WDR77: variants seen among roughly 807,000 people sequenced by gnomAD.
WDR77 encodes methylosome protein WDR77.
In WDR77, 31 loss-of-function variants were observed where a neutral mutation model predicts 44.0. The observed-to-expected ratio is 0.70, with a 90% CI of 0.53 to 0.95. WDR77 has a LOEUF of 0.95. WDR77 is among the 40% of genes least tolerant of loss of function. WDR77 has a pLI of 0.00. For synonymous variants in WDR77, 186 were observed against 165.7 expected (o/e 1.12, Z -0.94); for missense variants, 390 against 423.9 (o/e 0.92, Z 0.70).
At chr1:111,441,564 G>T (rs1169047774) in intron 9 of WDR77, 175 bp from the exon 10 acceptor site, 2 of 1,301,048 alleles carry the variant, frequency 1.5e-6, no homozygotes, top group East Asian at 2.9e-5. Flanking sequence ...GATGTCATCA[G>T]TCATCCAATC....
intron 7 of WDR77, 97 bp downstream of exon 7, chr1:111,443,226 A>T (rs1344097483): frequency 4.0e-6 from 5 of 1,237,348 alleles, no homozygotes; most frequent in Non-Finnish European, 5.7e-6. Flanking sequence ...GAGGGCTAAG[A>T]CTGAGCAACA....
chr1:111,449,175 C>G lies in WDR77; in HGVS notation c.-6G>C. ...GGTGGGGTTTCCTTCCGCATCTCCA[C>G]GGTTCCAACTCCAACCTAGACTCAA... On this transcript the variant is annotated 5_prime_UTR_variant, in exon 1 of 10. Coordinates refer to ENST00000235090, the MANE Select transcript of WDR77 (RefSeq NM_024102.4). The G allele has an allele frequency of 6.4e-7, 1 of 1,571,102 alleles. No homozygotes were observed. The highest frequency in any genetic ancestry group is 8.6e-7 in the Non-Finnish European group (1 of 1,164,966).
chr1:111,447,223 GT>G, intron 3 of WDR77, 79 bp from the exon 4 acceptor site: 1 of 1,560,408 alleles, frequency 6.4e-7, no homozygotes, highest in South Asian at 1.1e-5. Flanking sequence ...AGAACTTCCT[GT>G]AATCAACATT....
rs1297139237 is a variant in WDR77, at chr1:111,447,562, A to G, written c.316T>C (p.Trp106Arg). ...AGTGTCTCATTCTCATCTAGTTCCCACAATTCAACAGCACCTGTTGGGGGT... is the reference window on the plus strand; with the variant it reads ...AGTGTCTCATTCTCATCTAGTTCCCGCAATTCAACAGCACCTGTTGGGGGT... The part of the protein sequence containing the change: ...VASDSGAVEL[W>R]ELDENETLIV... Residue 106 changes from tryptophan to arginine, a missense_variant, in exon 3 of 10, where the codon TGG becomes CGG. Trp to Arg is a moderately radical substitution (Grantham distance 101, BLOSUM62 -3). Coordinates refer to ENST00000235090, the MANE Select transcript of WDR77 (RefSeq NM_024102.4). 2 of 1,614,242 alleles carry G rather than the reference A, an allele frequency of 1.2e-6. No individual in the cohort carries two copies. Among genetic ancestry groups the G allele is most frequent in the East Asian group, 4.5e-5 (2 of 44,892 alleles).
Position 111,442,058 on chromosome 1 carries a change from G to T in WDR77, c.836C>A (p.Ser279Ter), listed in dbSNP as rs774481633. The T allele has an allele frequency of 6.2e-7, 1 of 1,614,096 alleles. No homozygotes were observed. The highest frequency in any genetic ancestry group is 8.5e-7 in the Non-Finnish European group (1 of 1,179,988). Residue 279 changes from serine to a stop codon, truncating the protein, a stop_gained, in exon 9 of 10, where the codon TCA (serine) becomes TAA (stop). Coordinates refer to ENST00000235090, the MANE Select transcript of WDR77 (RefSeq NM_024102.4). LOFTEE classifies it high-confidence loss of function. Reference sequence around the variant, plus strand: ...AAGGCTTGAGTCCAGCACAGCAAGTGAGCAGTCTTCACTGAGAGAGGCCAG... The same window carrying T: ...AAGGCTTGAGTCCAGCACAGCAAGTTAGCAGTCTTCACTGAGAGAGGCCAG... ...PFLASLSEDC[S>*]LAVLDSSLSE...
At position 111,448,809 on chromosome 1, in the gene WDR77, G is replaced by A. The variant is rs995168204; in HGVS notation, c.116-5C>T. On this transcript the variant is annotated splice_region_variant and splice_polypyrimidine_tract_variant and intron_variant, in intron 1 of 9. Transcript: ENST00000235090. ...CCCCGAGGAGAAGCGCCCCATCTAC[G>A]GGGGGTACAAGCTGTCAGCGCGTGA... is the stretch of plus-strand genomic sequence containing the variant. 2 of 1,569,026 alleles carry A rather than the reference G, an allele frequency of 1.3e-6. No homozygotes were observed. The highest frequency in any genetic ancestry group is 1.7e-6 in the Non-Finnish European group (2 of 1,156,406).
chr1:111,443,531 T>C, intron 6 of WDR77, 137 bp from the exon 7 acceptor site: 1 of 1,267,784 alleles, frequency 7.9e-7, no homozygotes, highest in Non-Finnish European at 1.1e-6. Flanking sequence ...GTCCTCATCC[T>C]TGAGCCTCAT....
At chr1:111,442,370 A>G (rs1032384578) in intron 8 of WDR77, among the ~76,000 whole-genome samples, 2 of 152,198 alleles carry the variant, frequency 1.3e-5, no homozygotes, top group Non-Finnish European at 2.9e-5. Context: ...GGCTTTTCCA[A>G]TCTCACAGTC....
intron 4 of WDR77, 90 bp downstream of exon 4, chr1:111,447,005 T>C: frequency 7.6e-7 from 1 of 1,318,960 alleles, no homozygotes; most frequent in South Asian, 1.2e-5. Flanking sequence ...TATCAGAACA[T>C]GGAATTGCTG....
chr1:111,441,967 A>C, intron 9 of WDR77, 58 bp downstream of exon 9: 1 of 1,489,674 alleles, frequency 6.7e-7, no homozygotes. Context: ...GAGGAAAATG[A>C]CTCGCCCACC....
intron 3 of WDR77, 82 bp downstream of exon 3, chr1:111,447,353 A>G (rs1653085605): frequency 1.3e-6 from 2 of 1,580,532 alleles, no homozygotes; most frequent in Admixed American, 1.8e-5. Flanking sequence ...ATAAGCCCAA[A>G]ATGTTACCTA....
chr1:111,442,870 G>C, intron 7 of WDR77, 109 bp from the exon 8 acceptor site: 1 of 709,584 alleles, frequency 1.4e-6, no homozygotes, highest in Non-Finnish European at 2.1e-6. Flanking sequence ...CTGAGCATCA[G>C]TTTTCTCTTT....
chr1:111,444,264 T>G, intron 4 of WDR77, 140 bp from the exon 5 acceptor site: 2 of 753,766 alleles, frequency 2.7e-6, no homozygotes, highest in Non-Finnish European at 4.4e-6. Context: ...TGGGAGATTA[T>G]GGATTAGACA....
At chr1:111,442,156 G>T (rs780283547) in intron 8 of WDR77, 63 bp from the exon 9 acceptor site, 1 of 1,529,632 alleles carries the variant, frequency 6.5e-7, no homozygotes, top group Non-Finnish European at 9.0e-7. Flanking sequence ...AACCTTAACT[G>T]GGCCGGCCCT....
intron 8 of WDR77, 91 bp from the exon 9 acceptor site, chr1:111,442,184 A>G: frequency 7.8e-7 from 1 of 1,278,146 alleles, no homozygotes; most frequent in Non-Finnish European, 1.1e-6. Context: ...CTGTAAAGTG[A>G]CCCAGGAGAG....
In WDR77 at chr1:111,442,720, T is replaced by C. The variant is rs1652865709; in HGVS notation, c.733A>G (p.Thr245Ala). ...GTVSLVDTKS[T>A]SCVLSSAVHS... ...ACAGCTGAGCTCAGGACACAGCTTGTACTCTTGGTGTCCACAAGGGAGACT... is the reference window on the plus strand; with the variant it reads ...ACAGCTGAGCTCAGGACACAGCTTGCACTCTTGGTGTCCACAAGGGAGACT... The change falls in exon 8 of 10, where the codon ACA becomes GCA. Residue 245 changes from threonine to alanine, a missense_variant. By Grantham distance (58) the Thr-to-Ala change is moderately conservative (BLOSUM62 0). Coordinates refer to ENST00000235090, the MANE Select transcript of WDR77 (RefSeq NM_024102.4). 4 of 1,601,022 alleles carry C rather than the reference T, an allele frequency of 2.5e-6. No individual in the cohort carries two copies. The highest frequency in any genetic ancestry group is 2.6e-6 in the Non-Finnish European group (3 of 1,170,808).
At chr1:111,441,858 G>A (rs890076618) in intron 9 of WDR77, among the ~76,000 whole-genome samples, 167 bp downstream of exon 9, 6 of 152,132 alleles carry the variant, frequency 3.9e-5, no homozygotes, top group African/African-American at 1.4e-4. Context: ...ATGTGCCCCA[G>A]GAATGGACAG....
chr1:111,444,209 G>C (rs1652928748), intron 4 of WDR77, 85 bp from the exon 5 acceptor site: 4 of 1,308,910 alleles, frequency 3.1e-6, no homozygotes, highest in Non-Finnish European at 4.4e-6. Flanking sequence ...TCAAGGGGCA[G>C]GAGGGAGGGA....
At chr1:111,447,073 C>A in intron 4 of WDR77, 22 bp downstream of exon 4, 1 of 1,613,634 alleles carries the variant, frequency 6.2e-7, no homozygotes, top group South Asian at 1.1e-5. Flanking sequence ...AACACCAGGG[C>A]TAAAAATGAA....
Sources: allele counts gnomAD v4.1 joint callset (sites outside exome capture counted in the v4.1 genomes callset), GRCh38; gene constraint gnomAD v4.1.1; transcripts MANE v1.5; gene names NCBI Gene and HGNC (gene_info 2026-07-23, HGNC 2026-07-21).